The following CEP112 variants were observed in gnomAD, a reference collection of about 807,000 sequenced individuals.
The protein encoded by CEP112 is centrosomal protein of 112 kDa.
A neutral mutation model predicts 153.0 loss-of-function variants in CEP112; 127 were observed. The observed-to-expected ratio is 0.83, with a 90% confidence interval of 0.72 to 0.96. CEP112 has a LOEUF of 0.96. CEP112 is among the 40% of genes least tolerant of loss of function. CEP112 has a pLI of 0.00. For synonymous variants in CEP112, 358 were observed against 374.4 expected (o/e 0.96, Z 0.51); for missense variants, 1,089 against 1,101.2 (o/e 0.99, Z 0.16).
intron 4 of CEP112, among the ~76,000 whole-genome samples, chr17:66,166,903 CAA>C (rs10714039): frequency 5.0e-4 from 44 of 88,484 alleles, no homozygotes; most frequent in Middle Eastern, 6.0e-3. Flanking sequence ...GACTCCATCT[CAA>C]AAAAAAAAAA....
At chr17:65,721,361 G>A (rs1255383013) in intron 23 of CEP112, among the ~76,000 whole-genome samples, 1 of 152,052 alleles carries the variant, frequency 6.6e-6, no homozygotes, top group Non-Finnish European at 1.5e-5. Flanking sequence ...AATCTAAGAG[G>A]ATACTTTAAG....
chr17:65,654,935 C>A (rs2045980880), intron 24 of CEP112: 1 of 625,452 alleles, frequency 1.6e-6, no homozygotes, highest in Non-Finnish European at 3.1e-6. Flanking sequence ...AGCGATCCAT[C>A]CTAAAGCACA....
chr17:65,971,297 C>T (rs1393578548), intron 17 of CEP112, among the ~76,000 whole-genome samples: 1 of 150,744 alleles, frequency 6.6e-6, no homozygotes, highest in Non-Finnish European at 1.5e-5. Flanking sequence ...AACAAATATG[C>T]ACGTTACATG....
chr17:66,145,404 CTTCA>C (rs1272652858), intron 4 of CEP112, among the ~76,000 whole-genome samples: 3 of 151,848 alleles, frequency 2.0e-5, no homozygotes, highest in Non-Finnish European at 2.9e-5. Context: ...TAAATTTTTT[CTTCA>C]TTGTTTTGTG....
chr17:65,751,994 CTATCTATCTACT>C (rs1204430173), intron 21 of CEP112, among the ~76,000 whole-genome samples: 23 of 139,026 alleles, frequency 1.7e-4, no homozygotes, highest in African/African-American at 6.3e-4. Context: ...ATCTATCTAT[CTATCTATCTACT>C]GTTCCTTTCA....
intron 18 of CEP112, among the ~76,000 whole-genome samples, chr17:65,928,396 G>A (rs1285631817): frequency 6.6e-6 from 1 of 152,196 alleles, no homozygotes; most frequent in Non-Finnish European, 1.5e-5. Context: ...ATTAAATAGA[G>A]TTACATGTGT....
chr17:65,971,945 T>G (rs1332831759), intron 17 of CEP112, among the ~76,000 whole-genome samples: 1 of 152,190 alleles, frequency 6.6e-6, no homozygotes, highest in Admixed American at 6.5e-5. Context: ...CACAATTACA[T>G]TTCGAGATTT....
chr17:65,937,472 T>G, intron 18 of CEP112, among the ~76,000 whole-genome samples: 1 of 108,384 alleles, frequency 9.2e-6, no homozygotes, highest in Non-Finnish European at 1.9e-5. Context: ...GGCCGCCCCG[T>G]CTGAGAAGTG....
intron 20 of CEP112, among the ~76,000 whole-genome samples, chr17:65,901,287 A>G (rs990259817): frequency 6.6e-5 from 10 of 152,190 alleles, no homozygotes; most frequent in Non-Finnish European, 1.0e-4. Flanking sequence ...CCTAGTATAC[A>G]ATATGTTTTT....
intron 8 of CEP112, among the ~76,000 whole-genome samples, chr17:66,083,077 G>A (rs2067784938): frequency 6.6e-6 from 1 of 152,076 alleles, no homozygotes; most frequent in Non-Finnish European, 1.5e-5. Context: ...TGACTGATAT[G>A]GTTTGGCTGT....
In CEP112 at chr17:65,770,497, T is replaced by G. The variant is rs563018999; in HGVS notation, c.2395-19773A>C. Among the ~76,000 whole-genome samples, 5 of 152,184 alleles carry G rather than the reference T, an allele frequency of 3.3e-5. No homozygotes were observed. The East Asian group carries it at 9.7e-4, about 29-fold the overall frequency. On this transcript the variant is annotated intron_variant, in intron 21 of 26. Transcript: ENST00000535342. ...TACAAAAAAGGTTGAAATAAGTCGT[T>G]CAGGCAGATGGACCTGATACTAAAT...
chr17:66,162,699 C>T lies in CEP112; in HGVS notation c.470+12345G>A, dbSNP rs1012028183. On this transcript the variant is annotated intron_variant, in intron 4 of 26. Transcript: ENST00000535342. The stretch of plus-strand genomic sequence containing the variant: ...CTTTATGAATCAAAAACAATGAAAA[C>T]GAATCTATGGTAACATAATACAGAA... Among the ~76,000 whole-genome samples, 13 of 152,018 alleles carry T rather than the reference C, an allele frequency of 8.6e-5. No individual in the cohort carries two copies. In the South Asian group the frequency reaches 1.0e-3, roughly 12 times the overall value.
intron 24 of CEP112, among the ~76,000 whole-genome samples, chr17:65,664,918 T>G (rs1379719477): frequency 1.3e-5 from 2 of 152,238 alleles, no homozygotes; most frequent in Non-Finnish European, 2.9e-5. Flanking sequence ...CTGGTTTAGG[T>G]GAGGGCTCTC....
At chr17:66,085,167 C>T (rs957457996) in intron 8 of CEP112, among the ~76,000 whole-genome samples, 3 of 152,036 alleles carry the variant, frequency 2.0e-5, no homozygotes, top group Non-Finnish European at 4.4e-5. Flanking sequence ...ATAGACATAA[C>T]CCTTCTTAAG....
intron 8 of CEP112, among the ~76,000 whole-genome samples, chr17:66,083,586 C>T (rs1055537152): frequency 3.9e-5 from 6 of 152,284 alleles, no homozygotes; most frequent in South Asian, 2.1e-4. Context: ...CGGTGGCTCA[C>T]GCCTGTAATT....
At chr17:66,173,923 A>G (rs796201210) in intron 4 of CEP112, among the ~76,000 whole-genome samples, 2 of 151,070 alleles carry the variant, frequency 1.3e-5, no homozygotes, top group South Asian at 4.2e-4. Flanking sequence ...TCTCACTTTT[A>G]TTTATCTTTT....
intron 19 of CEP112, among the ~76,000 whole-genome samples, chr17:65,917,944 A>C (rs963706424): frequency 1.9e-4 from 29 of 152,160 alleles, no homozygotes; most frequent in Non-Finnish European, 2.4e-4. Flanking sequence ...TGAGAGGCCA[A>C]GGCAGGTGGA....
At chr17:65,933,594 C>A (rs2061201825) in intron 18 of CEP112, among the ~76,000 whole-genome samples, 1 of 152,112 alleles carries the variant, frequency 6.6e-6, no homozygotes, top group Non-Finnish European at 1.5e-5. Context: ...CAAAGTTATC[C>A]TTCAGAAATA....
chr17:65,697,431 G>A (rs1337580113), intron 23 of CEP112, among the ~76,000 whole-genome samples: 2 of 152,186 alleles, frequency 1.3e-5, no homozygotes, highest in South Asian at 2.1e-4. Flanking sequence ...AATTGACACC[G>A]AAACAGTAAA....
Sources: gnomAD v4.1 joint callset for allele counts (sites outside exome capture counted in the v4.1 genomes callset) on GRCh38, gnomAD v4.1.1 for gene constraint, MANE v1.5 for transcripts, NCBI Gene and HGNC (gene_info 2026-07-23, HGNC 2026-07-21) for gene names.